The following DCAF12 variants were observed in gnomAD, a reference collection of about 807,000 sequenced individuals.
The protein encoded by DCAF12 is DDB1 and CUL4 associated factor 12, also known as DDB1- and CUL4-associated factor 12.
A neutral mutation model predicts 52.8 loss-of-function variants in DCAF12; 28 were observed. That is an observed-to-expected ratio of 0.53 (90% CI 0.39 to 0.73). The LOEUF is 0.73. Ranked by LOEUF, DCAF12 falls within the 30% of genes least tolerant of loss-of-function variation. The pLI is 0.00. For synonymous variants in DCAF12, 196 were observed against 215.5 expected (o/e 0.91, Z 0.79); for missense variants, 425 against 552.2 (o/e 0.77, Z 2.31).
chr9:34,088,552 G>C, intron 8 of DCAF12, 44 bp from the exon 9 acceptor site: 1 of 1,611,106 alleles, frequency 6.2e-7, no homozygotes, highest in Non-Finnish European at 8.5e-7. Context: ...TCTAGCCATG[G>C]GGCAGGAAAA....
At chr9:34,120,690 A>C (rs200790840) in intron 2 of DCAF12, among the ~76,000 whole-genome samples, 1 of 149,950 alleles carries the variant, frequency 6.7e-6, no homozygotes, top group Admixed American at 6.7e-5. Context: ...AAAAAAAAGA[A>C]AACAAAGCAA....
At chr9:34,108,663 G>A (rs1828943464) in intron 2 of DCAF12, among the ~76,000 whole-genome samples, 1 of 151,986 alleles carries the variant, frequency 6.6e-6, no homozygotes, top group Non-Finnish European at 1.5e-5. Context: ...GCACACGCCT[G>A]TAATCTCAGC....
In DCAF12 at chr9:34,096,686, G is replaced by GGTAAAACCACAAAATCATGTTCATCA. The variant is rs760152347; in HGVS notation, c.861+4_861+29dup. Reference sequence around the variant, plus strand: ...ATTTTAACTGTAAGGTGAATTATTAGGTAAAACCACAAAATCATGTTCATC... The same window carrying GGTAAAACCACAAAATCATGTTCATCA: ...ATTTTAACTGTAAGGTGAATTATTAGGTAAAACCACAAAATCATGTTCATCAGTAAAACCACAAAATCATGTTCATC... On this transcript the variant is annotated intron_variant, in intron 6 of 8. Transcript: ENST00000361264. The GGTAAAACCACAAAATCATGTTCATCA allele has an allele frequency of 1.9e-6, 3 of 1,596,754 alleles. No individual in the cohort carries two copies. In the South Asian group the frequency reaches 3.3e-5, roughly 18 times the overall value.
chr9:34,088,191 G>A lies in DCAF12; in HGVS notation c.*159C>T. ...AAAGCAAAACAACTTTCAGATTTCT[G>A]TACAGAGCTTCTTCCTATTAAGTGC... On this transcript the variant is annotated 3_prime_UTR_variant, in exon 9 of 9. Transcript: ENST00000361264. The A allele has an allele frequency of 3.0e-6, 2 of 672,648 alleles. No homozygotes were observed. Among genetic ancestry groups the A allele is most frequent in the Non-Finnish European group, 2.3e-6 (1 of 434,472 alleles). 41.7% of individuals were successfully genotyped at this position (672,648 alleles called of 1,614,324 possible).
At chr9:34,111,273 C>G (rs771037840) in intron 2 of DCAF12, among the ~76,000 whole-genome samples, 1 of 151,994 alleles carries the variant, frequency 6.6e-6, no homozygotes, top group Admixed American at 6.6e-5. Flanking sequence ...TGTGAGCCAC[C>G]GCACCCAGCC....
At chr9:34,104,362 C>A (rs1013626991) in intron 4 of DCAF12, among the ~76,000 whole-genome samples, 2 of 151,992 alleles carry the variant, frequency 1.3e-5, no homozygotes, top group African/African-American at 4.8e-5. Flanking sequence ...AAGGGCACAT[C>A]TGGAGAACTA....
intron 1 of DCAF12, chr9:34,125,660 C>T: frequency 2.1e-6 from 1 of 467,000 alleles, no homozygotes; most frequent in South Asian, 1.6e-5. Context: ...TGTACTCCCA[C>T]TGGAGCACGG....
intron 2 of DCAF12, among the ~76,000 whole-genome samples, chr9:34,117,197 T>A (rs1829101465): frequency 6.6e-6 from 1 of 152,166 alleles, no homozygotes. Context: ...TTATTTTGGA[T>A]TTAAGTGACA....
intron 6 of DCAF12, among the ~76,000 whole-genome samples, chr9:34,094,786 TC>T (rs1342034261): frequency 6.6e-6 from 1 of 152,050 alleles, no homozygotes; most frequent in Non-Finnish European, 1.5e-5. Flanking sequence ...CACCTTGGCC[TC>T]CCAAAGTGCT....
intron 2 of DCAF12, among the ~76,000 whole-genome samples, chr9:34,121,865 C>T (rs1488973927): frequency 6.6e-6 from 1 of 152,134 alleles, no homozygotes; most frequent in Non-Finnish European, 1.5e-5. Context: ...ATCGATTGAA[C>T]CCAGGAGGCA....
In DCAF12 at chr9:34,100,499, C is replaced by CTTT. The variant is rs540489235; in HGVS notation, c.602-1985_602-1983dup. Among the ~76,000 whole-genome samples, 23 of 134,206 alleles carry CTTT rather than the reference C, an allele frequency of 1.7e-4. 1 individual carries two copies. Among genetic ancestry groups the CTTT allele is most frequent in the African/African-American group, 6.1e-4 (22 of 36,306 alleles). The allele number at this position is 134,206 out of a possible 152,430, so 88.0% of individuals were successfully genotyped here. On this transcript the variant is annotated intron_variant, in intron 4 of 8. Coordinates refer to ENST00000361264, the MANE Select transcript of DCAF12 (RefSeq NM_015397.4). ...AGGAGTGAGACACCACGCCCAGCTT[C>CTTT]TTTTTTTTTTTTTAATACAAGGCCT...
rs145607255 is a variant in DCAF12 at position 34,099,099 on chromosome 9, G to A, written c.602-582C>T. ...TTTTTTTTTTTTGAGACAGAGTCTC[G>A]CTCTATCACCCAGGCTGGAGTGCAG... On this transcript the variant is annotated intron_variant, in intron 4 of 8. Transcript: ENST00000361264. Among the ~76,000 whole-genome samples, 1,096 of 149,284 alleles carry A rather than the reference G, an allele frequency of 7.3e-3. 11 individuals carry two copies. Among genetic ancestry groups the A allele is most frequent in the African/African-American group, 0.025 (1,011 of 40,510 alleles).
intron 7 of DCAF12, among the ~76,000 whole-genome samples, chr9:34,092,948 CA>C (rs1828668977): frequency 1.3e-5 from 2 of 152,160 alleles, no homozygotes; most frequent in African/African-American, 4.8e-5. Context: ...CAGGTTCAAG[CA>C]ATTCTCCTGC....
At chr9:34,120,158 G>C (rs964056716) in intron 2 of DCAF12, among the ~76,000 whole-genome samples, 29 of 119,454 alleles carry the variant, frequency 2.4e-4, no homozygotes, top group Middle Eastern at 7.8e-3. Flanking sequence ...AGCTGAAACT[G>C]AGCCACTGCA....
intron 2 of DCAF12, among the ~76,000 whole-genome samples, chr9:34,118,793 A>G (rs916446796): frequency 6.6e-6 from 1 of 151,928 alleles, no homozygotes; most frequent in African/African-American, 2.4e-5. Context: ...GCAAGACCCC[A>G]TCTCTACTAA....
chr9:34,088,346 G>T lies in DCAF12; in HGVS notation c.*4C>A, dbSNP rs775115214. The T allele has an allele frequency of 3.6e-5, 55 of 1,549,102 alleles. No individual in the cohort carries two copies. The Admixed American group carries it at 1.2e-3, about 33-fold the overall frequency. The stretch of plus-strand genomic sequence containing the variant: ...TGTAAATCTCTGCATTTGGGGAGTT[G>T]TCATTAACTCCAGAGCCCAGCATAG... On this transcript the variant is annotated 3_prime_UTR_variant, in exon 9 of 9. Transcript: ENST00000361264.
At chr9:34,106,551 G>T in intron 3 of DCAF12, 57 bp from the exon 4 acceptor site, 2 of 1,402,606 alleles carry the variant, frequency 1.4e-6, no homozygotes, top group East Asian at 2.4e-5. Context: ...AGTAAAATAA[G>T]GATTGTAATA....
chr9:34,125,531 A>G (rs1829235296), intron 1 of DCAF12: 1 of 597,812 alleles, frequency 1.7e-6, no homozygotes, highest in South Asian at 1.6e-5. Context: ...GCAGAATAGA[A>G]CAGACTAAAA....
chr9:34,113,541 T>C (rs10971923), intron 2 of DCAF12, among the ~76,000 whole-genome samples: 46,265 of 151,656 alleles, frequency 0.31, 7,525 homozygotes, highest in Non-Finnish European at 0.36. Flanking sequence ...GGTTTCACCA[T>C]ATTAGCCAGA....
Sources: allele counts gnomAD v4.1 joint callset (sites outside exome capture counted in the v4.1 genomes callset), GRCh38; gene constraint gnomAD v4.1.1; transcripts MANE v1.5; gene names NCBI Gene and HGNC (gene_info 2026-07-23, HGNC 2026-07-21).